Variants in ATG7 observed in about 807,000 individuals in gnomAD.
ATG7 encodes ubiquitin-like modifier-activating enzyme ATG7.
Under a neutral mutation model 82.4 loss-of-function variants are expected in ATG7, and 70 were observed. That is an observed-to-expected ratio of 0.85 (90% CI 0.70 to 1.04). The LOEUF is 1.04. Ranked by LOEUF, ATG7 falls within the 50% of genes least tolerant of loss-of-function variation. ATG7 has a pLI of 0.00. For synonymous variants in ATG7, 287 were observed against 313.0 expected (o/e 0.92, Z 0.88); for missense variants, 792 against 864.3 (o/e 0.92, Z 1.05).
At chr3:11,427,045 C>A in intron 20 of ATG7, 119 bp downstream of exon 20, 2 of 1,255,600 alleles carry the variant, frequency 1.6e-6, no homozygotes, top group South Asian at 1.8e-5. Flanking sequence ...GAGCAAATAT[C>A]ACTAAATAAG....
At chr3:11,533,585 ACT>A (rs2092733125) in intron 20 of ATG7, among the ~76,000 whole-genome samples, 3 of 151,004 alleles carry the variant, frequency 2.0e-5, no homozygotes, top group African/African-American at 7.3e-5. Flanking sequence ...GAAAGCAGAA[ACT>A]CTTCTCTGAA....
chr3:11,409,359 C>A (rs1277987750), intron 19 of ATG7, among the ~76,000 whole-genome samples: 1 of 152,216 alleles, frequency 6.6e-6, no homozygotes, highest in Admixed American at 6.5e-5. Context: ...TCCACTCAAC[C>A]ACACGATCGT....
chr3:11,307,117 G>C, intron 6 of ATG7, 57 bp downstream of exon 6: 1 of 1,513,316 alleles, frequency 6.6e-7, no homozygotes, highest in Middle Eastern at 1.7e-4. Context: ...GGCAGGTGCA[G>C]TGTTTGTGAT....
intron 20 of ATG7, among the ~76,000 whole-genome samples, chr3:11,530,483 C>T (rs1267305481): frequency 6.6e-6 from 1 of 152,134 alleles, no homozygotes; most frequent in Non-Finnish European, 1.5e-5. Context: ...TGATGATTTG[C>T]TTTAAAGAAA....
At position 11,345,759 on chromosome 3, in the gene ATG7, T is replaced by TGAA. The variant is rs1189526306; in HGVS notation, c.1126-2118_1126-2117insGAA. The stretch of plus-strand genomic sequence containing the variant: ...GCTTTCAGATTCGTAAATATCTACT[T>TGAA]TTATCTTTATTAATTTTTTCCTCCT... On this transcript the variant is annotated intron_variant, in intron 13 of 20. Transcript: ENST00000693202. 2.7e-3 allele frequency among the ~76,000 whole-genome samples: 408 copies of TGAA among 152,242 alleles called. 3 individuals are homozygous for TGAA. Among genetic ancestry groups the TGAA allele is most frequent in the Admixed American group, 5.4e-3 (83 of 15,306 alleles).
At chr3:11,399,117 A>G (rs1332704106) in intron 19 of ATG7, among the ~76,000 whole-genome samples, 2 of 152,176 alleles carry the variant, frequency 1.3e-5, no homozygotes, top group African/African-American at 4.8e-5. Flanking sequence ...GGAGGCTGAG[A>G]TAGGCGGATC....
intron 19 of ATG7, among the ~76,000 whole-genome samples, chr3:11,392,191 G>C (rs1480373971): frequency 1.3e-5 from 2 of 152,060 alleles, no homozygotes; most frequent in African/African-American, 4.8e-5. Context: ...GAGTTTAAAA[G>C]CTTTTTCTCA....
At chr3:11,418,005 G>T (rs1485932272) in intron 19 of ATG7, among the ~76,000 whole-genome samples, 1 of 150,522 alleles carries the variant, frequency 6.6e-6, no homozygotes, top group Non-Finnish European at 1.5e-5. Context: ...AGAGACGGGG[G>T]TTTCACTGTG....
chr3:11,282,184 C>T lies in ATG7; in HGVS notation c.-256-9C>T, dbSNP rs1359762128. On this transcript the variant is annotated splice_polypyrimidine_tract_variant and intron_variant, in intron 2 of 20. Coordinates refer to ENST00000693202, the MANE Select transcript of ATG7 (RefSeq NM_001349232.2). ...CATTTTCTCAGCTGTCACTGTCCCT[C>T]CCATGTAGGCTTCTCAAACCCCATA... 2.0e-5 allele frequency: 3 copies of T among 152,226 alleles called. No homozygotes were observed. The highest frequency in any genetic ancestry group is 4.8e-5 in the African/African-American group (2 of 41,454). 9.4% of individuals were successfully genotyped at this position (152,226 alleles called of 1,614,324 possible).
downstream of ATG7, chr3:11,559,497 G>A: frequency 1.3e-6 from 2 of 1,508,470 alleles, no homozygotes; most frequent in East Asian, 4.9e-5. Context: ...ACCAGCTTCA[G>A]TACCGGGCAC....
intron 19 of ATG7, among the ~76,000 whole-genome samples, chr3:11,421,649 C>T (rs1314249849): frequency 6.6e-6 from 1 of 152,200 alleles, no homozygotes; most frequent in Non-Finnish European, 1.5e-5. Flanking sequence ...GATATTTTGA[C>T]CTCCTTCCAT....
intron 20 of ATG7, among the ~76,000 whole-genome samples, chr3:11,501,244 C>A (rs2091295924): frequency 6.6e-6 from 1 of 152,258 alleles, no homozygotes; most frequent in South Asian, 2.1e-4. Flanking sequence ...CAGAGTAAGA[C>A]CCTGTCTGAA....
intron 19 of ATG7, among the ~76,000 whole-genome samples, chr3:11,411,885 A>AT (rs2080936502): frequency 6.6e-6 from 1 of 151,592 alleles, no homozygotes; most frequent in Admixed American, 6.6e-5. Context: ...TTTTGAGTTA[A>AT]TTTTTTAATA....
chr3:11,455,739 CTACAGT>C (rs1341508582), intron 20 of ATG7, among the ~76,000 whole-genome samples: 8 of 152,250 alleles, frequency 5.3e-5, no homozygotes, highest in Admixed American at 2.6e-4. Context: ...ATCTTTAGTT[CTACAGT>C]TATGGATCCC....
At chr3:11,542,539 T>C (rs552252083) in intron 20 of ATG7, among the ~76,000 whole-genome samples, 2 of 152,170 alleles carry the variant, frequency 1.3e-5, no homozygotes, top group South Asian at 4.1e-4. Flanking sequence ...CCATGGGCCA[T>C]GGCCCTTCCT....
intron 14 of ATG7, among the ~76,000 whole-genome samples, chr3:11,352,954 T>A (rs1278423437): frequency 2.0e-5 from 3 of 152,194 alleles, no homozygotes; most frequent in South Asian, 4.1e-4. Flanking sequence ...AGGTAAGAAC[T>A]GTGTTAAATG....
At chr3:11,438,173 T>C (rs921666790) in intron 20 of ATG7, among the ~76,000 whole-genome samples, 1 of 152,132 alleles carries the variant, frequency 6.6e-6, no homozygotes, top group Non-Finnish European at 1.5e-5. Context: ...GCAGGCCTCT[T>C]CTAGGTGAGC....
intron 20 of ATG7, among the ~76,000 whole-genome samples, chr3:11,506,084 G>A (rs767719792): frequency 9.2e-5 from 14 of 152,172 alleles, no homozygotes; most frequent in Non-Finnish European, 1.9e-4. Context: ...TAGTGAGTTT[G>A]TGTATTTTTT....
intron 20 of ATG7, among the ~76,000 whole-genome samples, chr3:11,525,993 G>A (rs1174450105): frequency 6.6e-6 from 1 of 152,160 alleles, no homozygotes; most frequent in Non-Finnish European, 1.5e-5. Flanking sequence ...TAGTTGACTA[G>A]GCTTGGTAAA....
Sources: allele counts gnomAD v4.1 joint callset (sites outside exome capture counted in the v4.1 genomes callset), GRCh38; gene constraint gnomAD v4.1.1; transcripts MANE v1.5; gene names NCBI Gene and HGNC (gene_info 2026-07-23, HGNC 2026-07-21).